The following CACNB4 variants were observed in gnomAD, a reference collection of about 807,000 sequenced individuals.
CACNB4 encodes calcium voltage-gated channel auxiliary subunit beta 4, also known as voltage-dependent L-type calcium channel subunit beta-4.
CACNB4 carries 32 observed loss-of-function variants against 71.2 expected under a neutral mutation model. That is an observed-to-expected ratio of 0.45 (90% CI 0.34 to 0.60). The LOEUF is 0.60. Ranked by LOEUF, CACNB4 falls within the 20% of genes least tolerant of loss-of-function variation. The pLI is 0.01. For synonymous variants in CACNB4, 231 were observed against 236.9 expected, an observed-to-expected ratio of 0.97 and a Z score of 0.23; for missense variants, 464 against 647.9, an observed-to-expected ratio of 0.72 and a Z score of 3.08.
In CACNB4 at chr2:152,075,586, T is replaced by C. The variant is rs193137135; in HGVS notation, c.147+22744A>G. ...GACACGGGCAGTGTGGACTCACTGT[T>C]GCTGGCTCTGCTGACTTTCCCACGT... is the stretch of plus-strand genomic sequence containing the variant. On this transcript the variant is annotated intron_variant, in intron 2 of 13. Coordinates refer to ENST00000539935, the MANE Select transcript of CACNB4 (RefSeq NM_000726.5). Among the ~76,000 whole-genome samples the C allele has an allele frequency of 3.3e-5, 5 of 152,276 alleles. 1 individual carries two copies. Among genetic ancestry groups the C allele is most frequent in the Admixed American group, 3.3e-4 (5 of 15,288 alleles).
chr2:152,047,462 C>T (rs566446114), intron 2 of CACNB4, among the ~76,000 whole-genome samples: 1 of 152,320 alleles, frequency 6.6e-6, no homozygotes, highest in East Asian at 1.9e-4. Flanking sequence ...TCTTTGAATC[C>T]ACATACGACC....
intron 2 of CACNB4, among the ~76,000 whole-genome samples, chr2:151,909,043 G>C (rs1408930227): frequency 6.7e-6 from 1 of 148,548 alleles, no homozygotes; most frequent in Non-Finnish European, 1.5e-5. Context: ...AAAACTTTAG[G>C]TAAGTTTTTA....
At position 151,837,736 on chromosome 2, in the gene CACNB4, C is replaced by T. The variant is rs1287757012; in HGVS notation, c.*1383G>A. ...TAGGTCACCAATTCCATAATTATAG[C>T]CACTGGAAAAACTGTGAAGACTTAA... On this transcript the variant is annotated 3_prime_UTR_variant, in exon 14 of 14. Transcript: ENST00000539935. 6.6e-6 allele frequency: 1 copy of T among 151,734 alleles called. No individual in the cohort carries two copies. Among genetic ancestry groups the T allele is most frequent in the African/African-American group, 2.4e-5 (1 of 41,342 alleles). 9.4% of individuals were successfully genotyped at this position (151,734 alleles called of 1,614,324 possible).
chr2:151,989,862 A>G (rs1190952187), intron 2 of CACNB4, among the ~76,000 whole-genome samples: 2 of 152,182 alleles, frequency 1.3e-5, no homozygotes, highest in Non-Finnish European at 2.9e-5. Flanking sequence ...CAGTTGTCCA[A>G]TTTGGAAATC....
chr2:152,076,439 G>A (rs916384445), intron 2 of CACNB4, among the ~76,000 whole-genome samples: 4 of 151,492 alleles, frequency 2.6e-5, no homozygotes, highest in Non-Finnish European at 5.9e-5. Flanking sequence ...TGGGATTATA[G>A]GCATGAGCTA....
chr2:151,839,294 T>G lies in CACNB4; in HGVS notation c.1388A>C (p.His463Pro). The G allele has an allele frequency of 6.2e-7, 1 of 1,613,662 alleles. No individual in the cohort carries two copies. Among genetic ancestry groups the G allele is most frequent in the Non-Finnish European group, 8.5e-7 (1 of 1,179,584 alleles). Residue 463 changes from histidine to proline, a missense_variant, in exon 14 of 14, where the codon CAC becomes CCC. His to Pro is a moderately conservative substitution (Grantham distance 77). Coordinates refer to ENST00000539935, the MANE Select transcript of CACNB4 (RefSeq NM_000726.5). ...RSLMTSDENYHNERARKSRNR... is the reference protein window; with the variant it reads ...RSLMTSDENYPNERARKSRNR... ...CCTACTCTTCCGAGCCCTTTCATTG[T>G]GATAATTTTCATCAGAGGTCATTAG...
At chr2:151,848,859 A>C (rs2099838286) in intron 12 of CACNB4, among the ~76,000 whole-genome samples, 1 of 152,220 alleles carries the variant, frequency 6.6e-6, no homozygotes, top group Non-Finnish European at 1.5e-5. Flanking sequence ...GTACTGGGGA[A>C]GTTTACACTT....
rs2099835458 is a variant in CACNB4, at chr2:151,838,786, A to G, written c.*333T>C. On this transcript the variant is annotated 3_prime_UTR_variant, in exon 14 of 14. Transcript: ENST00000539935. ...AAATTGGTTCCAACTGGAACTGGTC[A>G]TTTGGAATTTCCAGCATGGGAAATT... 1 of 169,434 alleles carries G rather than the reference A, an allele frequency of 5.9e-6. No individual in the cohort carries two copies. Among genetic ancestry groups the G allele is most frequent in the South Asian group, 1.9e-4 (1 of 5,140 alleles). 10.5% of individuals were successfully genotyped at this position (169,434 alleles called of 1,614,324 possible). A position where few individuals can be genotyped will look rare whatever the true frequency, so the allele number is the denominator to read the frequency against.
chr2:151,944,896 G>A (rs532500138), intron 2 of CACNB4, among the ~76,000 whole-genome samples: 1 of 152,326 alleles, frequency 6.6e-6, no homozygotes, highest in African/African-American at 2.4e-5. Flanking sequence ...TGAGGCTGTA[G>A]CAGTAATCCA....
chr2:151,969,883 A>G (rs745659436), intron 2 of CACNB4: 1 of 152,198 alleles, frequency 6.6e-6, no homozygotes, highest in Non-Finnish European at 1.5e-5. Context: ...TAATCAATAT[A>G]TTATGATTCC....
chr2:151,965,112 T>C (rs1349216625), intron 2 of CACNB4, among the ~76,000 whole-genome samples: 1 of 152,240 alleles, frequency 6.6e-6, no homozygotes, highest in Non-Finnish European at 1.5e-5. Context: ...CTCCAGGACA[T>C]CATTTGAAGT....
At chr2:151,971,475 C>G (rs767148083) in intron 2 of CACNB4, 11 of 702,338 alleles carry the variant, frequency 1.6e-5, no homozygotes, top group Admixed American at 8.0e-5. Context: ...CTGAGAAAAG[C>G]CTTTCCACGC....
intron 2 of CACNB4, among the ~76,000 whole-genome samples, chr2:151,907,983 G>A (rs1351900081): frequency 3.3e-5 from 5 of 152,158 alleles, no homozygotes; most frequent in South Asian, 2.1e-4. Flanking sequence ...GGTCACAGGA[G>A]GATTGAAAGT....
intron 2 of CACNB4, among the ~76,000 whole-genome samples, chr2:151,920,839 A>G (rs1201651211): frequency 6.6e-6 from 1 of 152,118 alleles, no homozygotes; most frequent in Non-Finnish European, 1.5e-5. Context: ...AGCTTTTGCC[A>G]TCTTAAAACT....
intron 2 of CACNB4, among the ~76,000 whole-genome samples, chr2:152,012,424 T>C (rs981305731): frequency 1.3e-5 from 2 of 152,018 alleles, no homozygotes; most frequent in Non-Finnish European, 2.9e-5. Flanking sequence ...ACCAACATGG[T>C]GAAACGCAGC....
chr2:152,029,508 AAAAGAAAAG>A (rs1169316967), intron 2 of CACNB4, among the ~76,000 whole-genome samples: 3 of 19,152 alleles, frequency 1.6e-4, no homozygotes, highest in African/African-American at 3.4e-4. Flanking sequence ...AAAAAAAAAA[AAAAGAAAAG>A]AAAAGAAAAG....
intron 2 of CACNB4, among the ~76,000 whole-genome samples, chr2:151,984,043 TA>T (rs1407136479): frequency 6.6e-6 from 1 of 152,198 alleles, no homozygotes; most frequent in African/African-American, 2.4e-5. Context: ...AAATTAGCTT[TA>T]AATAAATGTG....
intron 9 of CACNB4, chr2:151,866,739 T>C (rs2099843238): frequency 6.6e-6 from 1 of 152,218 alleles, no homozygotes; most frequent in African/African-American, 2.4e-5. Context: ...ACCCCTTTAA[T>C]ATCTACCTAT....
At chr2:151,915,601 G>C (rs1202794865) in intron 2 of CACNB4, among the ~76,000 whole-genome samples, 1 of 152,202 alleles carries the variant, frequency 6.6e-6, no homozygotes, top group Non-Finnish European at 1.5e-5. Flanking sequence ...CCAGCACTTT[G>C]GGAGGCCGAG....
Sources: gnomAD v4.1 joint callset for allele counts (sites outside exome capture counted in the v4.1 genomes callset) on GRCh38, gnomAD v4.1.1 for gene constraint, MANE v1.5 for transcripts, NCBI Gene and HGNC (gene_info 2026-07-23, HGNC 2026-07-21) for gene names.